The following ARID3A variants were observed in gnomAD, a reference collection of about 807,000 sequenced individuals.
The protein encoded by ARID3A is AT-rich interactive domain-containing protein 3A.
Under a neutral mutation model 52.7 loss-of-function variants are expected in ARID3A, and 11 were observed. That is an observed-to-expected ratio of 0.21 (90% CI 0.13 to 0.35). The LOEUF is 0.35. ARID3A is among the 10% of genes least tolerant of loss of function. The pLI is 1.00. For synonymous variants in ARID3A, 404 were observed against 359.4 expected, an observed-to-expected ratio of 1.12 and a Z score of -1.40; for missense variants, 721 against 838.5, an observed-to-expected ratio of 0.86 and a Z score of 1.73.
intron 6 of ARID3A, among the ~76,000 whole-genome samples, chr19:966,210 A>C (rs1354997919): frequency 1.3e-5 from 2 of 151,156 alleles, no homozygotes; most frequent in Admixed American, 6.6e-5. Context: ...CTGTAATCCC[A>C]GCACTTTGGG....
At chr19:933,695 C>CT (rs1430063114) in intron 3 of ARID3A, among the ~76,000 whole-genome samples, 1 of 152,176 alleles carries the variant, frequency 6.6e-6, no homozygotes. Context: ...GGGCTCCTGA[C>CT]TCCAGGGGTG....
rs2038317534 is a variant in ARID3A at position 973,134 on chromosome 19, G to GTTTTTTTTT, written c.*1073_*1074insTTTTTTTTT. On this transcript the variant is annotated 3_prime_UTR_variant, in exon 9 of 9. Coordinates refer to ENST00000263620, the MANE Select transcript of ARID3A (RefSeq NM_005224.3). ...TTTTTTTTTTTTTTTTTGAGACGGA[G>GTTTTTTTTT]TTTTGCTCTTGTCGCCCAGGCTGGA... 5.1e-4 allele frequency: 5 copies of GTTTTTTTTT among 9,876 alleles called. No homozygotes were observed. Among genetic ancestry groups the GTTTTTTTTT allele is most frequent in the African/African-American group, 8.2e-4 (3 of 3,670 alleles). 0.6% of individuals were successfully genotyped at this position (9,876 alleles called of 1,614,324 possible).
chr19:948,517 A>G (rs1230068140), intron 3 of ARID3A, among the ~76,000 whole-genome samples: 5 of 152,010 alleles, frequency 3.3e-5, no homozygotes, highest in African/African-American at 4.8e-5. Context: ...GGCCCGGAGA[A>G]TGGGCAGACT....
In ARID3A at chr19:964,306, G is replaced by A; in HGVS notation, c.825G>A (p.Leu275=). 6.2e-7 allele frequency: 1 copy of A among 1,614,142 alleles called. No homozygotes were observed. Residue 275 remains leucine (L), a synonymous_variant, in exon 5 of 9, where the codon CTG becomes CTA. Coordinates refer to ENST00000263620, the MANE Select transcript of ARID3A (RefSeq NM_005224.3). This position sits in a 1 kb window ranked among gnomAD's most constrained non-coding sequence, Gnocchi z 5.7. ...AACAGGTCCTTGACCTGTTCATGCT[G>A]TACGTGCTGGTGACGGAGAAGGGCG... ...MAKQVLDLFM[L]YVLVTEKGGL...
rs1230452362 is a variant in ARID3A at position 939,276 on chromosome 19, A to G, written c.693+6534A>G. 4.0e-5 allele frequency among the ~76,000 whole-genome samples: 6 copies of G among 151,282 alleles called. No individual in the cohort carries two copies. The East Asian group carries it at 7.8e-4, about 20-fold the overall frequency. On this transcript the variant is annotated intron_variant, in intron 3 of 8. Coordinates refer to ENST00000263620, the MANE Select transcript of ARID3A (RefSeq NM_005224.3). ...TGGGACTACAGGCGCCCACCACCAC[A>G]CCCAGCTTATTTTTGTATTTTTAGT...
intron 6 of ARID3A, among the ~76,000 whole-genome samples, chr19:965,779 G>A (rs1469728631): frequency 6.6e-6 from 1 of 151,664 alleles, no homozygotes; most frequent in Non-Finnish European, 1.5e-5. Flanking sequence ...ATCGCTTGAG[G>A]TCAGAAGTTT....
chr19:967,196 T>C (rs187159684), intron 7 of ARID3A, among the ~76,000 whole-genome samples: 285 of 151,840 alleles, frequency 1.9e-3, no homozygotes, highest in African/African-American at 6.4e-3. Context: ...AGATGGAGGT[T>C]GCAGTGACCC....
intron 3 of ARID3A, among the ~76,000 whole-genome samples, chr19:954,686 A>T (rs2037877602): frequency 6.6e-6 from 1 of 152,052 alleles, no homozygotes; most frequent in South Asian, 2.1e-4. Context: ...GCATCTGCGG[A>T]GGTGATATCG....
intron 3 of ARID3A, among the ~76,000 whole-genome samples, chr19:939,360 G>T (rs982957189): frequency 7.2e-5 from 11 of 152,060 alleles, no homozygotes; most frequent in Non-Finnish European, 1.6e-4. Flanking sequence ...CTCGTGATCT[G>T]CCCGCCTCGG....
intron 3 of ARID3A, among the ~76,000 whole-genome samples, chr19:950,513 CA>C (rs11364392): frequency 0.097 from 14,812 of 152,148 alleles, 1,374 homozygotes; most frequent in African/African-American, 0.24. Flanking sequence ...AAGAGGGGTT[CA>C]GGGGGAGCAG....
At chr19:931,730 A>G (rs574286127) in intron 2 of ARID3A, among the ~76,000 whole-genome samples, 155 of 147,180 alleles carry the variant, frequency 1.1e-3, no homozygotes, top group African/African-American at 3.6e-3. Flanking sequence ...GGAGAATGGC[A>G]TGAACCCGGG....
intron 3 of ARID3A, among the ~76,000 whole-genome samples, chr19:934,447 G>A (rs1300941674): frequency 2.0e-5 from 3 of 152,210 alleles, no homozygotes; most frequent in Admixed American, 1.3e-4. Flanking sequence ...TTGTCTGGGC[G>A]ACACCGCGGG....
At chr19:946,858 A>G (rs563893009) in intron 3 of ARID3A, among the ~76,000 whole-genome samples, 8 of 149,060 alleles carry the variant, frequency 5.4e-5, no homozygotes, top group Admixed American at 2.7e-4. Flanking sequence ...CAGTGATGTC[A>G]TCTCGGCTCA....
rs56404084 is a variant in ARID3A at position 973,104 on chromosome 19, A to ATTTTTTTTTTTTTTTTTTT, written c.*1042_*1060dup. On this transcript the variant is annotated 3_prime_UTR_variant, in exon 9 of 9. Transcript: ENST00000263620. ...GGGCTCTCGAGTCAGGGGCCTGGAA[A>ATTTTTTTTTTTTTTTTTTT]TTTTTTTTTTTTTTTTTTTTTGAGA... The ATTTTTTTTTTTTTTTTTTT allele has an allele frequency of 8.4e-3, 450 of 53,636 alleles. 132 individuals carry two copies. The highest frequency in any genetic ancestry group is 0.013 in the African/African-American group (186 of 14,254). 3.3% of individuals were successfully genotyped at this position (53,636 alleles called of 1,614,324 possible).
rs1393644810 is a variant in ARID3A, at chr19:974,465, C to T, written c.*2400C>T. The T allele has an allele frequency of 1.4e-4, 33 of 230,952 alleles. No individual in the cohort carries two copies. In the Admixed American group the frequency reaches 1.7e-3, roughly 12 times the overall value. The allele number at this position is 230,952 out of a possible 1,614,324, so 14.3% of individuals were successfully genotyped here. A position where few individuals can be genotyped will look rare whatever the true frequency, so the allele number is the denominator to read the frequency against. ...CCCCCGGCCTCCAGGGCTCCTCTCC[C>T]GGGACCCCCGTCCCACGCCTGGGCC... On this transcript the variant is annotated 3_prime_UTR_variant, in exon 9 of 9. Coordinates refer to ENST00000263620, the MANE Select transcript of ARID3A (RefSeq NM_005224.3).
intron 3 of ARID3A, among the ~76,000 whole-genome samples, chr19:946,250 TTTTATTTATTTATTTATGTA>T (rs1360295424): frequency 6.6e-6 from 1 of 151,886 alleles, no homozygotes; most frequent in African/African-American, 2.4e-5. Context: ...ACTTTTTCCT[TTTTATTTATTTATTTATGTA>T]TTTATTTATG....
chr19:948,202 C>T (rs918176027), intron 3 of ARID3A, among the ~76,000 whole-genome samples: 1 of 151,386 alleles, frequency 6.6e-6, no homozygotes, highest in East Asian at 1.9e-4. Context: ...CCGGGAAGTC[C>T]GGGCCCTTTT....
At chr19:933,482 G>A (rs1428582238) in intron 3 of ARID3A, among the ~76,000 whole-genome samples, 1 of 152,186 alleles carries the variant, frequency 6.6e-6, no homozygotes, top group African/African-American at 2.4e-5. Context: ...GCTGGGCTCT[G>A]CCTCGACCTC....
chr19:931,880 G>A (rs544690245), intron 2 of ARID3A, among the ~76,000 whole-genome samples: 3 of 152,216 alleles, frequency 2.0e-5, no homozygotes, highest in South Asian at 4.1e-4. Flanking sequence ...AGGGGCAGTG[G>A]CGAGGGTGGG....
Sources: gnomAD v4.1 joint callset for allele counts (sites outside exome capture counted in the v4.1 genomes callset) on GRCh38, gnomAD v4.1.1 for gene constraint, Gnocchi (gnomAD v3.1) non-coding constraint, MANE v1.5 for transcripts, NCBI Gene and HGNC (gene_info 2026-07-23, HGNC 2026-07-21) for gene names.